The following LAMA3 variants were observed in gnomAD, a reference collection of about 807,000 sequenced individuals.
The protein encoded by LAMA3 is laminin subunit alpha 3.
A neutral mutation model predicts 402.0 loss-of-function variants in LAMA3; 281 were observed. That is an observed-to-expected ratio of 0.70 (90% confidence interval 0.63 to 0.77). LAMA3 has a LOEUF of 0.77. Ranked by LOEUF, LAMA3 falls within the 30% of genes least tolerant of loss-of-function variation. The pLI is 0.00. For synonymous variants in LAMA3, 1,431 were observed against 1,558.4 expected, an observed-to-expected ratio of 0.92 and a Z score of 1.93; for missense variants, 3,840 against 4,215.5, an observed-to-expected ratio of 0.91 and a Z score of 2.47.
chr18:23,876,381 T>C lies in LAMA3; in HGVS notation c.5086T>C (p.Cys1696Arg). 6.2e-7 allele frequency: 1 copy of C among 1,613,246 alleles called. No individual in the cohort carries two copies. Among genetic ancestry groups the C allele is most frequent in the Non-Finnish European group, 8.5e-7 (1 of 1,179,106 alleles). Residue 1696 changes from cysteine (C) to arginine (R), a missense_variant, in exon 39 of 75, where the codon TGC becomes CGC. Cys to Arg is a radical substitution (Grantham distance 180, BLOSUM62 -3). Coordinates refer to ENST00000313654, the MANE Select transcript of LAMA3 (RefSeq NM_198129.4). ...CAATTGCAACGGACATTCAAATCAATGCCAGGATGGCTCAGGCATATGTGT... is the reference window on the plus strand; with the variant it reads ...CAATTGCAACGGACATTCAAATCAACGCCAGGATGGCTCAGGCATATGTGT... Reference protein sequence around the residue: ...PCNCNGHSNQCQDGSGICVNC... With the variant: ...PCNCNGHSNQRQDGSGICVNC...
At chr18:23,797,349 G>A (rs975538513) in intron 12 of LAMA3, among the ~76,000 whole-genome samples, 2 of 152,016 alleles carry the variant, frequency 1.3e-5, no homozygotes, top group African/African-American at 4.8e-5. Flanking sequence ...GCCCACAATG[G>A]TGTATCAGCT....
Position 23,844,747 on chromosome 18 carries a change from A to AT in LAMA3, c.3604-255dup, listed in dbSNP as rs887420889. On this transcript the variant is annotated intron_variant, in intron 29 of 74. Transcript: ENST00000313654. Reference sequence around the variant, plus strand: ...GGACCAGCAGTGTTTTGGATTTCAGATTTTTTTCAGATTTTGGAATATTTG... The same window carrying AT: ...GGACCAGCAGTGTTTTGGATTTCAGATTTTTTTTCAGATTTTGGAATATTTG... 2.2e-4 allele frequency among the ~76,000 whole-genome samples: 34 copies of AT among 152,190 alleles called. 2 individuals carry two copies. Among genetic ancestry groups the AT allele is most frequent in the Middle Eastern group, 6.8e-3 (2 of 294 alleles).
intron 68 of LAMA3, among the ~76,000 whole-genome samples, chr18:23,940,939 CT>C (rs370811901): frequency 0.025 from 3,272 of 133,186 alleles, 107 homozygotes; most frequent in African/African-American, 0.088. Flanking sequence ...TCTTTCTTTT[CT>C]TTTTTTTTTT....
At chr18:23,776,255 T>C (rs2062316856) in intron 10 of LAMA3, among the ~76,000 whole-genome samples, 1 of 152,182 alleles carries the variant, frequency 6.6e-6, no homozygotes, top group Non-Finnish European at 1.5e-5. Context: ...GGCTTCCAGA[T>C]ATTTATCTGC....
intron 41 of LAMA3, among the ~76,000 whole-genome samples, chr18:23,889,709 GGAGGAAGGAAGGAAGA>G (rs2080583904): frequency 5.4e-5 from 7 of 128,734 alleles, no homozygotes; most frequent in Admixed American, 2.5e-4. Context: ...AGGGAGGAAG[GGAGGAAGGAAGGAAGA>G]AAGGAAGGAA....
chr18:23,820,024 A>G (rs1598857000), intron 19 of LAMA3, 27 bp downstream of exon 19: 2 of 1,613,236 alleles, frequency 1.2e-6, no homozygotes, highest in Non-Finnish European at 1.7e-6. Context: ...GAGCAGCTTC[A>G]TGGCTGAGTA....
intron 10 of LAMA3, among the ~76,000 whole-genome samples, chr18:23,777,132 G>T (rs374722865): frequency 6.6e-6 from 1 of 151,916 alleles, no homozygotes. Flanking sequence ...GAGCCACTGC[G>T]CTCGGCCTGC....
intron 36 of LAMA3, among the ~76,000 whole-genome samples, chr18:23,866,258 C>T (rs1487458038): frequency 6.6e-6 from 1 of 152,176 alleles, no homozygotes; most frequent in African/African-American, 2.4e-5. Flanking sequence ...GGTAGGGTGC[C>T]ACTGCCTGAA....
intron 44 of LAMA3, 124 bp from the exon 45 acceptor site, chr18:23,898,614 T>TTG (rs2080958561): frequency 4.1e-6 from 3 of 729,734 alleles, no homozygotes; most frequent in Admixed American, 3.9e-5. Flanking sequence ...AGAACCACAT[T>TTG]TGTGTGTGTG....
intron 25 of LAMA3, among the ~76,000 whole-genome samples, chr18:23,837,544 CA>C (rs2063607998): frequency 1.9e-5 from 2 of 106,716 alleles, no homozygotes. Flanking sequence ...AAAACTATTT[CA>C]AAAAGAATAT....
At chr18:23,753,680 CTG>C in intron 5 of LAMA3, 39 bp from the exon 6 acceptor site, 2 of 1,491,708 alleles carry the variant, frequency 1.3e-6, no homozygotes, top group Non-Finnish European at 1.9e-6. Flanking sequence ...GTTTTTGTCA[CTG>C]TTCAGTGAAA....
chr18:23,731,962 G>A (rs1049416502), intron 2 of LAMA3, among the ~76,000 whole-genome samples: 1 of 152,130 alleles, frequency 6.6e-6, no homozygotes, highest in African/African-American at 2.4e-5. Context: ...CTTTAGGAGA[G>A]GTAAGACATT....
In LAMA3 at chr18:23,822,233, G is replaced by C. The variant is rs776804378; in HGVS notation, c.2305-19G>C. The C allele has an allele frequency of 6.8e-6, 11 of 1,613,618 alleles. No individual in the cohort carries two copies. Among genetic ancestry groups the C allele is most frequent in the Non-Finnish European group, 9.3e-6 (11 of 1,179,734 alleles). ...TAACCATTTTTTTCTATGCTTTATGGCGTTTCGGTATTTTTCAGAATGATG... is the reference window on the plus strand; with the variant it reads ...TAACCATTTTTTTCTATGCTTTATGCCGTTTCGGTATTTTTCAGAATGATG... On this transcript the variant is annotated intron_variant, in intron 19 of 74. Coordinates refer to ENST00000313654, the MANE Select transcript of LAMA3 (RefSeq NM_198129.4).
rs1170376529 is a variant in LAMA3 at position 23,916,458 on chromosome 18, A to G, written c.7779-93A>G. 6.9e-6 allele frequency: 10 copies of G among 1,452,718 alleles called. No individual in the cohort carries two copies. The African/African-American group carries it at 1.1e-4, about 16-fold the overall frequency. 90.0% of individuals were successfully genotyped at this position (1,452,718 alleles called of 1,614,324 possible). On this transcript the variant is annotated intron_variant, in intron 59 of 74. Coordinates refer to ENST00000313654, the MANE Select transcript of LAMA3 (RefSeq NM_198129.4). ...AACTAGATTGCATTTTCTTGGCTCCATTTTTCAGATAGCAACATCTTGTAT... is the reference window on the plus strand; with the variant it reads ...AACTAGATTGCATTTTCTTGGCTCCGTTTTTCAGATAGCAACATCTTGTAT...
At chr18:23,757,107 C>A (rs997874327) in intron 6 of LAMA3, among the ~76,000 whole-genome samples, 2 of 152,168 alleles carry the variant, frequency 1.3e-5, no homozygotes, top group Non-Finnish European at 2.9e-5. Context: ...GCAAACCCAG[C>A]CTCCTGGACC....
chr18:23,805,282 A>G (rs367689851), intron 12 of LAMA3, among the ~76,000 whole-genome samples: 1 of 152,206 alleles, frequency 6.6e-6, no homozygotes, highest in Admixed American at 6.5e-5. Flanking sequence ...TCCAGGATAC[A>G]TCTATGTTCT....
chr18:23,846,260 C>G (rs1568249118), intron 30 of LAMA3, 37 bp from the exon 31 acceptor site: 1 of 1,604,766 alleles, frequency 6.2e-7, no homozygotes, highest in Non-Finnish European at 8.5e-7. Flanking sequence ...ATACACACCT[C>G]CCCAGGCATC....
Position 23,954,611 on chromosome 18 carries a change from A to G in LAMA3, c.9965A>G (p.Gln3322Arg), listed in dbSNP as rs771307546. ...PVPVTEALEVQGPVSLNGCPD... is the reference protein window; with the variant it reads ...PVPVTEALEVRGPVSLNGCPD... Reference sequence around the variant, plus strand: ...CCTGTCACTGAAGCCTTGGAAGTCCAGGGGCCTGTCAGTCTGAATGGTTGT... The same window carrying G: ...CCTGTCACTGAAGCCTTGGAAGTCCGGGGGCCTGTCAGTCTGAATGGTTGT... The change falls in exon 75 of 75, where the codon CAG (glutamine) becomes CGG (arginine). Residue 3322 changes from glutamine to arginine, a missense_variant. By Grantham distance (43) the Gln-to-Arg change is conservative. Around this residue, in one of 3 missense-constraint regions of LAMA3, gnomAD observed 840 missense variants for 981.9 expected, o/e 0.86. Coordinates refer to ENST00000313654, the MANE Select transcript of LAMA3 (RefSeq NM_198129.4). 11 of 1,614,046 alleles carry G rather than the reference A, an allele frequency of 6.8e-6. No homozygotes were observed. Among genetic ancestry groups the G allele is most frequent in the Non-Finnish European group, 8.5e-6 (10 of 1,180,000 alleles).
In LAMA3 at chr18:23,839,873, C is replaced by T; in HGVS notation, c.3280C>T (p.Gln1094Ter). Reference sequence around the variant, plus strand: ...TGGCAGGCCTTTCCCTCACCTGCCCCAGCAGTCGTCACCTTCTGTTGATGT... The same window carrying T: ...TGGCAGGCCTTTCCCTCACCTGCCCTAGCAGTCGTCACCTTCTGTTGATGT... ...LSGRPFPHLP[Q>*]QSSPSVDVLP... Residue 1094 changes from glutamine to a stop codon, truncating the protein, a stop_gained, in exon 27 of 75, where the codon CAG becomes TAG. Transcript: ENST00000313654. LOFTEE classifies it high-confidence loss of function. The surrounding 1 kb of genome is among the most constrained non-coding windows in gnomAD (Gnocchi z 4.5). 6.2e-7 allele frequency: 1 copy of T among 1,614,214 alleles called. No individual in the cohort carries two copies. The highest frequency in any genetic ancestry group is 8.5e-7 in the Non-Finnish European group (1 of 1,180,032).
Sources: gnomAD v4.1 joint callset for allele counts (sites outside exome capture counted in the v4.1 genomes callset) on GRCh38, gnomAD v4.1.1 for gene constraint, gnomAD v4.1.1 regional missense constraint, Gnocchi (gnomAD v3.1) non-coding constraint, MANE v1.5 for transcripts, NCBI Gene and HGNC (gene_info 2026-07-23, HGNC 2026-07-21) for gene names.